CUL2: variants seen among roughly 807,000 people sequenced by gnomAD.
The protein encoded by CUL2 is cullin-2.
A neutral mutation model predicts 110.2 loss-of-function variants in CUL2; 22 were observed. The ratio of observed to expected loss-of-function variants is 0.20; its 90% CI spans 0.14 to 0.28. The LOEUF (loss-of-function observed/expected upper bound fraction) is 0.28, where lower values mean the gene tolerates loss of function less well. Ranked by LOEUF, CUL2 falls within the 10% of genes least tolerant of loss-of-function variation. The probability of loss-of-function intolerance (pLI) is 1.00; values close to 1 mark genes in which losing one functional copy is unlikely to be tolerated. For synonymous variants in CUL2, 279 were observed against 293.2 expected (o/e 0.95, Z 0.49); for missense variants, 631 against 905.5 (o/e 0.70, Z 3.89).
chr10:35,008,566 TTTATC>T lies in CUL2; in HGVS notation c.*1740_*1744del, dbSNP rs1179472081. On this transcript the variant is annotated 3_prime_UTR_variant, in exon 21 of 21. Transcript: ENST00000374749. ...AAAAAAGGAATCAATTTGGAAAACT[TTTATC>T]AATCAACAAGTTATCAAAACAAGGG... 6.6e-6 allele frequency: 1 copy of T among 152,194 alleles called. No individual in the cohort carries two copies. The highest frequency in any genetic ancestry group is 1.5e-5 in the Non-Finnish European group (1 of 68,038). The allele number at this position is 152,194 out of a possible 1,614,324, so 9.4% of individuals were successfully genotyped here.
At position 35,060,376 on chromosome 10, in the gene CUL2, T is replaced by C. The variant is rs112296753; in HGVS notation, c.317+498A>G. Among the ~76,000 whole-genome samples, 941 of 152,310 alleles carry C rather than the reference T, an allele frequency of 6.2e-3. 12 individuals are homozygous for C. Among genetic ancestry groups the C allele is most frequent in the African/African-American group, 0.021 (893 of 41,574 alleles). Reference sequence around the variant, plus strand: ...AAAGGCAGGAAGATGGGAGAGACCATGGGCCATTAGGAAACTACAAGTAAT... The same window carrying C: ...AAAGGCAGGAAGATGGGAGAGACCACGGGCCATTAGGAAACTACAAGTAAT... On this transcript the variant is annotated intron_variant, in intron 4 of 20. Transcript: ENST00000374749.
chr10:35,086,294 C>T (rs1274852665), intron 1 of CUL2, among the ~76,000 whole-genome samples: 2 of 151,994 alleles, frequency 1.3e-5, no homozygotes, highest in East Asian at 1.9e-4. Flanking sequence ...CCCAGGAGTT[C>T]GAGACCAGCC....
upstream of CUL2, among the ~76,000 whole-genome samples, chr10:35,095,589 C>T (rs985032762): frequency 5.3e-5 from 8 of 152,054 alleles, no homozygotes; most frequent in Non-Finnish European, 1.0e-4. Flanking sequence ...GACAGAGTCT[C>T]CCTCCGTTGC....
chr10:35,071,264 C>CA lies in CUL2; in HGVS notation c.53dup (p.Leu18PhefsTer20). On this transcript the variant is annotated frameshift_variant, in exon 2 of 21. Coordinates refer to ENST00000374749, the MANE Select transcript of CUL2 (RefSeq NM_003591.4). LOFTEE classifies it high-confidence loss of function. ...ACATGACCACGGCTTTTATTGTCGT[C>CA]AAAAGTTTGTTCCATGTTTCATCAA... 6.2e-7 allele frequency: 1 copy of CA among 1,614,000 alleles called. No individual in the cohort carries two copies. Among genetic ancestry groups the CA allele is most frequent in the Non-Finnish European group, 8.5e-7 (1 of 1,179,928 alleles).
In CUL2 at chr10:35,109,697, G is replaced by C. The variant is rs2087504582; in HGVS notation, c.-50-8637C>G. Among the ~76,000 whole-genome samples, 3 of 152,202 alleles carry C rather than the reference G, an allele frequency of 2.0e-5. No individual in the cohort carries two copies. The South Asian group carries it at 6.2e-4, about 32-fold the overall frequency. On this transcript the variant is annotated intron_variant, in intron 1 of 5. Transcript: ENST00000685421. ...AAAGCCTGAAGGATGGATGAGTTAG[G>C]TGTGTTTGTGAAATAAAATGAAAGC...
At chr10:35,040,013 T>C (rs994207023) in intron 8 of CUL2, among the ~76,000 whole-genome samples, 8 of 151,888 alleles carry the variant, frequency 5.3e-5, no homozygotes, top group Admixed American at 2.0e-4. Flanking sequence ...ATTAGCCAGG[T>C]GTGGTGGCAG....
At chr10:35,114,622 C>T (rs1471123200) in intron 1 of CUL2, among the ~76,000 whole-genome samples, 1 of 151,926 alleles carries the variant, frequency 6.6e-6, no homozygotes, top group Admixed American at 6.6e-5. Context: ...ACTTCATGAT[C>T]TGTCCGCCTC....
intron 16 of CUL2, 51 bp downstream of exon 16, chr10:35,028,759 G>C (rs906304278): frequency 1.7e-6 from 2 of 1,192,486 alleles, no homozygotes; most frequent in Non-Finnish European, 2.5e-6. Context: ...ATAATATGAA[G>C]ACAATTATTA....
At chr10:35,021,595 A>G (rs1314602625) in intron 17 of CUL2, among the ~76,000 whole-genome samples, 1 of 150,198 alleles carries the variant, frequency 6.7e-6, no homozygotes, top group South Asian at 2.1e-4. Context: ...ATACATGTAT[A>G]TCCTTCCTTC....
chr10:35,068,027 A>G (rs1442669330), intron 2 of CUL2, among the ~76,000 whole-genome samples: 4 of 146,372 alleles, frequency 2.7e-5, no homozygotes, highest in Non-Finnish European at 6.0e-5. Context: ...GGAGAATGGC[A>G]TGAACCCGGG....
At chr10:35,066,530 C>A (rs2086530848) in intron 2 of CUL2, among the ~76,000 whole-genome samples, 1 of 152,152 alleles carries the variant, frequency 6.6e-6, no homozygotes, top group African/African-American at 2.4e-5. Context: ...AAACTCCTGA[C>A]CTCAGGTGAT....
chr10:35,025,011 G>T, intron 17 of CUL2, 121 bp downstream of exon 17: 2 of 1,291,278 alleles, frequency 1.5e-6, no homozygotes, highest in Non-Finnish European at 2.0e-6. Flanking sequence ...GCTTTAATGG[G>T]GAAAGGTTGA....
chr10:35,035,080 T>C (rs2085585671), intron 10 of CUL2, 92 bp downstream of exon 10: 4 of 1,456,640 alleles, frequency 2.7e-6, no homozygotes, highest in Non-Finnish European at 3.8e-6. Flanking sequence ...GTAAGACTTT[T>C]TCTTTCATCT....
intron 9 of CUL2, among the ~76,000 whole-genome samples, chr10:35,038,322 G>A (rs1035180577): frequency 1.3e-4 from 20 of 151,216 alleles, no homozygotes; most frequent in Middle Eastern, 3.4e-3. Flanking sequence ...TCAGGAGTCC[G>A]AGACCAGCCT....
At chr10:35,091,984 G>A (rs555670309), upstream of CUL2, among the ~76,000 whole-genome samples, 32 of 152,154 alleles carry the variant, frequency 2.1e-4, no homozygotes, top group South Asian at 1.0e-3. Context: ...TCCCTCTGTC[G>A]CTGAGGCTGG....
intron 2 of CUL2, 100 bp from the exon 3 acceptor site, chr10:35,063,162 T>C: frequency 2.9e-6 from 2 of 695,204 alleles, no homozygotes; most frequent in South Asian, 3.7e-5. Flanking sequence ...ACATTTCTTT[T>C]TGTGGTTTAG....
At chr10:35,034,959 G>T (rs1487939612) in intron 10 of CUL2, among the ~76,000 whole-genome samples, 1 of 152,188 alleles carries the variant, frequency 6.6e-6, no homozygotes, top group Non-Finnish European at 1.5e-5. Flanking sequence ...CCCTCCGTAT[G>T]GCTAAGCAGC....
At chr10:35,040,937 C>G (rs1053655250) in intron 8 of CUL2, among the ~76,000 whole-genome samples, 4 of 152,164 alleles carry the variant, frequency 2.6e-5, no homozygotes, top group African/African-American at 9.7e-5. Flanking sequence ...GTAATGCTCA[C>G]ACAGTGGCTG....
chr10:35,018,765 A>AC (rs2085111563), intron 17 of CUL2, among the ~76,000 whole-genome samples: 1 of 150,470 alleles, frequency 6.6e-6, no homozygotes, highest in Non-Finnish European at 1.5e-5. Flanking sequence ...CTCCGTCTCA[A>AC]AAAAAAAAAA....
Sources: gnomAD v4.1 joint callset for allele counts (sites outside exome capture counted in the v4.1 genomes callset) on GRCh38, gnomAD v4.1.1 for gene constraint, MANE v1.5 for transcripts, NCBI Gene and HGNC (gene_info 2026-07-23, HGNC 2026-07-21) for gene names.